Variants in CPPED1 observed in about 807,000 individuals in gnomAD.
CPPED1 encodes serine/threonine-protein phosphatase CPPED1.
CPPED1 carries 28 observed loss-of-function variants against 28.0 expected under a neutral mutation model. That is an observed-to-expected ratio of 1.00 (90% CI 0.74 to 1.37). CPPED1 has a LOEUF of 1.37. CPPED1 is among the 40% of genes most tolerant of loss of function. The pLI is 0.00. For missense variants in CPPED1, 504 were observed against 416.5 expected, an observed-to-expected ratio of 1.21 and a Z score of -1.83; for synonymous variants, 198 against 180.2, an observed-to-expected ratio of 1.10 and a Z score of -0.79.
chr16:12,772,575 T>C (rs2080476112), intron 2 of CPPED1, among the ~76,000 whole-genome samples: 1 of 152,236 alleles, frequency 6.6e-6, no homozygotes, highest in East Asian at 1.9e-4. Context: ...ATTTTCATAT[T>C]GAGTCTCTTT....
chr16:12,775,081 A>C (rs550744716), intron 2 of CPPED1, among the ~76,000 whole-genome samples: 2 of 152,170 alleles, frequency 1.3e-5, no homozygotes, highest in South Asian at 4.1e-4. Context: ...TGGCCTCCCA[A>C]AGTGCTGGGA....
chr16:12,695,070 A>T (rs994986721), intron 3 of CPPED1, among the ~76,000 whole-genome samples: 1 of 152,026 alleles, frequency 6.6e-6, no homozygotes, highest in African/African-American at 2.4e-5. Flanking sequence ...GAGCCACCAC[A>T]CTCAGCCTAA....
At chr16:12,751,070 GTATC>G (rs1229920338) in intron 2 of CPPED1, among the ~76,000 whole-genome samples, 1 of 151,702 alleles carries the variant, frequency 6.6e-6, no homozygotes, top group African/African-American at 2.4e-5. Context: ...AAAAAACACA[GTATC>G]TATAAAGTAC....
chr16:12,789,640 G>C (rs528497780), intron 1 of CPPED1, among the ~76,000 whole-genome samples: 5 of 152,080 alleles, frequency 3.3e-5, no homozygotes, highest in African/African-American at 7.2e-5. Flanking sequence ...ATCCTCCCAC[G>C]TCAGCCTCTG....
chr16:12,801,949 G>A (rs959174635), intron 1 of CPPED1, among the ~76,000 whole-genome samples: 21 of 152,114 alleles, frequency 1.4e-4, no homozygotes, highest in Non-Finnish European at 2.6e-4. Flanking sequence ...GAAAAGGAGC[G>A]ACCTTGACCT....
chr16:12,749,190 G>C (rs891967088), intron 2 of CPPED1, among the ~76,000 whole-genome samples: 1 of 152,154 alleles, frequency 6.6e-6, no homozygotes, highest in African/African-American at 2.4e-5. Context: ...TTGTTTAATA[G>C]CATTTCATCT....
At chr16:12,778,281 T>C (rs1417294481) in intron 2 of CPPED1, among the ~76,000 whole-genome samples, 49 of 145,334 alleles carry the variant, frequency 3.4e-4, no homozygotes, top group Non-Finnish European at 6.4e-4. Flanking sequence ...TTCTTTCTTT[T>C]TTTTTTTTTT....
At chr16:12,764,767 T>G (rs967828371) in intron 2 of CPPED1, among the ~76,000 whole-genome samples, 2 of 152,218 alleles carry the variant, frequency 1.3e-5, no homozygotes, top group African/African-American at 4.8e-5. Flanking sequence ...GCCACCATTT[T>G]GTTTTATTTG....
chr16:12,717,712 G>T (rs920145349), intron 2 of CPPED1, among the ~76,000 whole-genome samples: 1 of 152,020 alleles, frequency 6.6e-6, no homozygotes, highest in Admixed American at 6.6e-5. Context: ...ACAAATCTTG[G>T]CTCCCTACAA....
At chr16:12,787,114 T>A (rs886292844) in intron 1 of CPPED1, among the ~76,000 whole-genome samples, 1 of 152,066 alleles carries the variant, frequency 6.6e-6, no homozygotes, top group Non-Finnish European at 1.5e-5. Flanking sequence ...CAAATTGACT[T>A]AAAAAAATTA....
chr16:12,753,262 A>G (rs1204001394), intron 2 of CPPED1: 1 of 152,152 alleles, frequency 6.6e-6, no homozygotes, highest in East Asian at 1.9e-4. Flanking sequence ...TGGCCTCGGG[A>G]GACGTCTGTC....
At chr16:12,740,148 A>G (rs1050992788) in intron 2 of CPPED1, among the ~76,000 whole-genome samples, 5 of 152,178 alleles carry the variant, frequency 3.3e-5, no homozygotes, top group African/African-American at 1.2e-4. Context: ...GCCCTGCTTT[A>G]TTTAAGATAC....
chr16:12,766,763 C>T (rs79724330), intron 2 of CPPED1, among the ~76,000 whole-genome samples: 6,724 of 152,080 alleles, frequency 0.044, 271 homozygotes, highest in East Asian at 0.25. Context: ...ATCAAGACTC[C>T]GTCTCAAATA....
chr16:12,684,422 TC>T (rs1297480588), intron 3 of CPPED1, among the ~76,000 whole-genome samples: 1 of 152,148 alleles, frequency 6.6e-6, no homozygotes, highest in Non-Finnish European at 1.5e-5. Context: ...CACCTTAGGA[TC>T]CTGATCAAAC....
At chr16:12,741,339 A>G (rs956244611) in intron 2 of CPPED1, among the ~76,000 whole-genome samples, 2 of 148,546 alleles carry the variant, frequency 1.3e-5, no homozygotes, top group African/African-American at 5.0e-5. Context: ...GAACCGAGAC[A>G]GACTTGTTTA....
chr16:12,757,775 CAT>C (rs941122393), intron 2 of CPPED1: 9 of 149,208 alleles, frequency 6.0e-5, no homozygotes, highest in Non-Finnish European at 1.3e-4. Context: ...CAGGCTGTCA[CAT>C]GTTGCCAGAT....
chr16:12,741,333 C>T (rs62027329), intron 2 of CPPED1, among the ~76,000 whole-genome samples: 4,931 of 147,084 alleles, frequency 0.034, 114 homozygotes, highest in Non-Finnish European at 0.052. Flanking sequence ...ATAAATGAAC[C>T]GAGACAGACT....
intron 2 of CPPED1, chr16:12,780,949 C>A: frequency 1.9e-6 from 1 of 531,378 alleles, no homozygotes; most frequent in Non-Finnish European, 3.4e-6. Context: ...TCATATTAAG[C>A]TCAAATCATC....
intron 2 of CPPED1, among the ~76,000 whole-genome samples, chr16:12,753,560 G>A (rs190829655): frequency 1.3e-5 from 2 of 152,186 alleles, no homozygotes; most frequent in East Asian, 3.9e-4. Flanking sequence ...TGATCTCCAT[G>A]CCTAGACCCT....
Sources: allele counts gnomAD v4.1 joint callset (sites outside exome capture counted in the v4.1 genomes callset), GRCh38; gene constraint gnomAD v4.1.1; transcripts MANE v1.5; gene names NCBI Gene and HGNC (gene_info 2026-07-23, HGNC 2026-07-21).